GUCY1A2: variants seen among roughly 807,000 people sequenced by gnomAD.
GUCY1A2 encodes the protein guanylate cyclase 1 soluble subunit alpha 2.
Under a neutral mutation model 63.5 loss-of-function variants are expected in GUCY1A2, and 27 were observed. The ratio of observed to expected loss-of-function variants is 0.43; its 90% CI spans 0.31 to 0.59. The LOEUF is 0.59. Ranked by LOEUF, GUCY1A2 falls within the 20% of genes least tolerant of loss-of-function variation. GUCY1A2 has a pLI of 0.11. For synonymous variants in GUCY1A2, 364 were observed against 343.5 expected (o/e 1.06, Z -0.66); for missense variants, 768 against 913.3 (o/e 0.84, Z 2.05).
intron 3 of GUCY1A2, among the ~76,000 whole-genome samples, chr11:106,978,413 T>A (rs1235390046): frequency 6.6e-6 from 1 of 152,206 alleles, no homozygotes; most frequent in Admixed American, 6.5e-5. Flanking sequence ...TTTGTTTTGA[T>A]GTTTTTCCAT....
At chr11:106,694,393 A>G (rs1862679162) in intron 7 of GUCY1A2, among the ~76,000 whole-genome samples, 1 of 152,186 alleles carries the variant, frequency 6.6e-6, no homozygotes, top group Non-Finnish European at 1.5e-5. Context: ...ACAAAAGTAC[A>G]TGGCTACCCA....
chr11:106,813,767 C>G (rs1296722553), intron 4 of GUCY1A2, among the ~76,000 whole-genome samples: 3 of 152,062 alleles, frequency 2.0e-5, no homozygotes, highest in Non-Finnish European at 1.5e-5. Flanking sequence ...TATCTATAAA[C>G]TGGAAAAGAT....
At chr11:106,799,427 C>A (rs1167123272) in intron 5 of GUCY1A2, among the ~76,000 whole-genome samples, 3 of 152,088 alleles carry the variant, frequency 2.0e-5, no homozygotes, top group African/African-American at 7.2e-5. Context: ...AAAAGAGAGC[C>A]CTCATAGCCA....
At chr11:106,892,601 A>G (rs1453966829) in intron 4 of GUCY1A2, among the ~76,000 whole-genome samples, 1 of 152,092 alleles carries the variant, frequency 6.6e-6, no homozygotes, top group Non-Finnish European at 1.5e-5. Context: ...AGGAGTTTCC[A>G]AGTTTATTTA....
chr11:106,753,556 G>A (rs908371602), intron 6 of GUCY1A2, among the ~76,000 whole-genome samples: 1 of 152,190 alleles, frequency 6.6e-6, no homozygotes, highest in African/African-American at 2.4e-5. Context: ...GTGTAAGGAA[G>A]GGATCCAGTT....
At chr11:106,887,612 C>T (rs1393320674) in intron 4 of GUCY1A2, among the ~76,000 whole-genome samples, 1 of 152,212 alleles carries the variant, frequency 6.6e-6, no homozygotes, top group African/African-American at 2.4e-5. Flanking sequence ...ATGCCAATCA[C>T]TTCAATGACT....
At chr11:106,766,352 C>T (rs1864162561) in intron 6 of GUCY1A2, among the ~76,000 whole-genome samples, 1 of 151,976 alleles carries the variant, frequency 6.6e-6, no homozygotes. Flanking sequence ...ATGATATTAC[C>T]AAGTTGAATG....
chr11:106,736,034 C>A (rs1591254508), intron 6 of GUCY1A2, among the ~76,000 whole-genome samples: 1 of 152,082 alleles, frequency 6.6e-6, no homozygotes, highest in East Asian at 1.9e-4. Flanking sequence ...GGTTTTTAAT[C>A]CCTTGTCAGA....
At chr11:106,950,957 G>A (rs1223982114) in intron 3 of GUCY1A2, among the ~76,000 whole-genome samples, 1 of 152,096 alleles carries the variant, frequency 6.6e-6, no homozygotes, top group African/African-American at 2.4e-5. Flanking sequence ...TGTTCTCAAT[G>A]TTCAACTCCC....
At chr11:106,958,917 T>C (rs564293828) in intron 3 of GUCY1A2, among the ~76,000 whole-genome samples, 2 of 152,324 alleles carry the variant, frequency 1.3e-5, no homozygotes, top group African/African-American at 4.8e-5. Flanking sequence ...CAATTCCATT[T>C]TGATCATGAA....
Position 106,936,525 on chromosome 11 carries a change from G to A in GUCY1A2, c.1206+2935C>T, listed in dbSNP as rs541813318. 7.4e-6 allele frequency: 4 copies of A among 543,512 alleles called. No homozygotes were observed. In the South Asian group the frequency reaches 1.1e-4, roughly 16 times the overall value. The allele number at this position is 543,512 out of a possible 1,614,324, so 33.7% of individuals were successfully genotyped here. A position where few individuals can be genotyped will look rare whatever the true frequency, so the allele number is the denominator to read the frequency against. On this transcript the variant is annotated intron_variant, in intron 4 of 7. Coordinates refer to ENST00000526355, the MANE Select transcript of GUCY1A2 (RefSeq NM_000855.3). Reference sequence around the variant, plus strand: ...TGAAAACATACGAATACTATAATGAGGAAAAAGAAAATAGGGAGAGAGAAG... The same window carrying A: ...TGAAAACATACGAATACTATAATGAAGAAAAAGAAAATAGGGAGAGAGAAG...
intron 5 of GUCY1A2, among the ~76,000 whole-genome samples, chr11:106,784,893 G>C (rs1245318062): frequency 6.6e-6 from 1 of 152,194 alleles, no homozygotes; most frequent in Non-Finnish European, 1.5e-5. Context: ...AGTCATTAAA[G>C]TAACCTCATA....
intron 6 of GUCY1A2, among the ~76,000 whole-genome samples, chr11:106,744,530 C>A (rs78094501): frequency 1.3e-5 from 2 of 152,238 alleles, no homozygotes; most frequent in Admixed American, 6.5e-5. Context: ...CTTTCCCCAC[C>A]CTTATCCTTT....
rs1430147970 is a variant in GUCY1A2 at position 106,678,965 on chromosome 11, TA to T, written c.*8583del. The T allele has an allele frequency of 5.3e-6, 1 of 189,278 alleles. No individual in the cohort carries two copies. The highest frequency in any genetic ancestry group is 1.1e-5 in the Non-Finnish European group (1 of 89,988). 11.7% of individuals were successfully genotyped at this position (189,278 alleles called of 1,614,324 possible). A position where few individuals can be genotyped will look rare whatever the true frequency, so the allele number is the denominator to read the frequency against. ...ACAATTAAGTGTTATCATCAGAGGA[TA>T]AAACTCTAAGGAACCTAGAAACAAC... is the stretch of plus-strand genomic sequence containing the variant. On this transcript the variant is annotated 3_prime_UTR_variant, in exon 8 of 8. Transcript: ENST00000526355.
chr11:106,910,700 T>C (rs1860281748), intron 4 of GUCY1A2, among the ~76,000 whole-genome samples: 1 of 152,204 alleles, frequency 6.6e-6, no homozygotes, highest in South Asian at 2.1e-4. Context: ...TCTTCTTACA[T>C]TGGCCGAAAT....
chr11:106,739,480 C>T (rs1316295313), intron 6 of GUCY1A2, among the ~76,000 whole-genome samples: 1 of 152,118 alleles, frequency 6.6e-6, no homozygotes, highest in Non-Finnish European at 1.5e-5. Flanking sequence ...CTATGTTTTA[C>T]CTTGTTTCTA....
intron 4 of GUCY1A2, among the ~76,000 whole-genome samples, chr11:106,845,282 TAA>T (rs575014977): frequency 0.015 from 2,156 of 145,660 alleles, 26 homozygotes; most frequent in Middle Eastern, 0.047. Context: ...TGCGGCCGAT[TAA>T]AAAAAAAAAA....
chr11:106,956,014 T>C lies in GUCY1A2; in HGVS notation c.488-15836A>G, dbSNP rs138755606. ...TCATTCTTTTTTCTCTATTCTTGTC[T>C]GCATGTCTTATTTCAGTAAGGTAGT... On this transcript the variant is annotated intron_variant, in intron 3 of 7. Transcript: ENST00000526355. Among the ~76,000 whole-genome samples, 218 of 151,958 alleles carry C rather than the reference T, an allele frequency of 1.4e-3. 1 individual carries two copies. Among genetic ancestry groups the C allele is most frequent in the African/African-American group, 5.1e-3 (212 of 41,470 alleles).
chr11:106,768,027 G>C (rs1864192906), intron 6 of GUCY1A2, among the ~76,000 whole-genome samples: 1 of 151,998 alleles, frequency 6.6e-6, no homozygotes, highest in African/African-American at 2.4e-5. Context: ...GGAAAATATA[G>C]AAAAAAAGCA....
Sources: allele counts gnomAD v4.1 joint callset (sites outside exome capture counted in the v4.1 genomes callset), GRCh38; gene constraint gnomAD v4.1.1; transcripts MANE v1.5; gene names NCBI Gene and HGNC (gene_info 2026-07-23, HGNC 2026-07-21).